The following LIMCH1 variants were observed in gnomAD, a reference collection of about 807,000 sequenced individuals.
LIMCH1 encodes LIM and calponin homology domains 1, also known as LIM and calponin homology domains-containing protein 1.
Under a neutral mutation model 176.5 loss-of-function variants are expected in LIMCH1, and 113 were observed. The ratio of observed to expected loss-of-function variants is 0.64; its 90% CI spans 0.55 to 0.75. The LOEUF is 0.75. Among genes scored for constraint, LIMCH1 ranks in the 30% least tolerant of loss-of-function variants. The pLI, the probability that LIMCH1 is intolerant of heterozygous loss-of-function variation, is 0.00. For synonymous variants in LIMCH1, 619 were observed against 645.9 expected (o/e 0.96, Z 0.63); for missense variants, 1,674 against 1,814.9 (o/e 0.92, Z 1.41).
In LIMCH1 at chr4:41,633,721, C is replaced by G. The variant is rs769570238; in HGVS notation, c.2003C>G (p.Ser668Cys). The change falls in exon 13 of 32, where the codon TCC becomes TGC. Residue 668 changes from serine (S) to cysteine (C), a missense_variant. Transcript: ENST00000503057. ...GGGATGTCCCTTAGACACACTGGAT[C>G]CAACCCAAACCAGTTCCTTCCAGTT... The part of the protein sequence containing the change: ...RTGMSLRHTG[S>C]NPNQFLPVPF... 3 of 1,536,148 alleles carry G rather than the reference C, an allele frequency of 2.0e-6. No homozygotes were observed. Among genetic ancestry groups the G allele is most frequent in the Middle Eastern group, 3.3e-4 (2 of 5,990 alleles).
chr4:41,449,834 T>A (rs1198239164), intron 1 of LIMCH1, among the ~76,000 whole-genome samples: 1 of 152,206 alleles, frequency 6.6e-6, no homozygotes, highest in Non-Finnish European at 1.5e-5. Flanking sequence ...TTCTGGAGGC[T>A]GGAAGTCCAA....
intron 1 of LIMCH1, among the ~76,000 whole-genome samples, chr4:41,404,202 A>G (rs2058738130): frequency 6.6e-6 from 1 of 152,084 alleles, no homozygotes. Context: ...CCTTCACCAT[A>G]TCTCCAACTA....
intron 3 of LIMCH1, among the ~76,000 whole-genome samples, chr4:41,526,184 C>G (rs1375801586): frequency 1.3e-5 from 2 of 150,574 alleles, no homozygotes; most frequent in East Asian, 3.9e-4. Flanking sequence ...TTCTTTCCTT[C>G]TATTTATGTT....
At chr4:41,539,694 C>T (rs1297959939) in intron 1 of LIMCH1, among the ~76,000 whole-genome samples, 1 of 152,164 alleles carries the variant, frequency 6.6e-6, no homozygotes, top group Admixed American at 6.5e-5. Flanking sequence ...CTAGCTGGTT[C>T]TTGCTGGAGT....
intron 7 of LIMCH1, among the ~76,000 whole-genome samples, chr4:41,623,854 C>G (rs2092760113): frequency 6.6e-6 from 1 of 152,174 alleles, no homozygotes; most frequent in Non-Finnish European, 1.5e-5. Flanking sequence ...TCCTGTCAAA[C>G]AATATATTAG....
rs1561447701 is a variant in LIMCH1, at chr4:41,462,382, T to C, written c.97-32154T>C. Among the ~76,000 whole-genome samples, 4 of 152,302 alleles carry C rather than the reference T, an allele frequency of 2.6e-5. No individual in the cohort carries two copies. The East Asian group carries it at 7.7e-4, about 29-fold the overall frequency. ...AGTTTGAGATGAGAGTTTTCATTGG[T>C]AATGTAACTTCTTATGGGTTTGATT... On this transcript the variant is annotated intron_variant, in intron 1 of 26. Coordinates refer to the LIMCH1 transcript ENST00000313860.
chr4:41,497,446 T>G (rs1478919894), intron 2 of LIMCH1, among the ~76,000 whole-genome samples: 1 of 152,140 alleles, frequency 6.6e-6, no homozygotes, highest in East Asian at 1.9e-4. Context: ...TATACCTATT[T>G]TACAGAGAAA....
intron 1 of LIMCH1, among the ~76,000 whole-genome samples, chr4:41,546,748 T>A (rs1412940441): frequency 6.6e-6 from 1 of 152,124 alleles, no homozygotes; most frequent in Admixed American, 6.6e-5. Context: ...CAAAAATTAC[T>A]CTCCTAGGTA....
At chr4:41,510,675 G>C (rs2154183975) in intron 2 of LIMCH1, among the ~76,000 whole-genome samples, 1 of 151,942 alleles carries the variant, frequency 6.6e-6, no homozygotes, top group South Asian at 2.1e-4. Context: ...TGCAACCTCT[G>C]CCTCCCGGGT....
intron 1 of LIMCH1, among the ~76,000 whole-genome samples, chr4:41,566,568 GTATACT>G (rs1272927735): frequency 1.3e-5 from 2 of 152,112 alleles, no homozygotes; most frequent in African/African-American, 4.8e-5. Context: ...TTTCCTGGAA[GTATACT>G]TAGAACCAAT....
intron 5 of LIMCH1, among the ~76,000 whole-genome samples, chr4:41,614,619 G>A (rs1418029948): frequency 6.6e-6 from 1 of 152,102 alleles, no homozygotes; most frequent in Non-Finnish European, 1.5e-5. Context: ...GAAAATACTT[G>A]ACTATTTAAT....
At chr4:41,612,449 G>A in intron 4 of LIMCH1, 1 of 681,684 alleles carries the variant, frequency 1.5e-6, no homozygotes, top group South Asian at 1.6e-5. Context: ...CTCTGCCAGT[G>A]TTATCCACAG....
At chr4:41,479,573 G>T (rs2068260079) in intron 1 of LIMCH1, among the ~76,000 whole-genome samples, 1 of 152,182 alleles carries the variant, frequency 6.6e-6, no homozygotes, top group Admixed American at 6.5e-5. Flanking sequence ...AAGGTGAACA[G>T]TGATGCCCTA....
At chr4:41,477,379 A>C (rs544212843) in intron 1 of LIMCH1, among the ~76,000 whole-genome samples, 1 of 152,188 alleles carries the variant, frequency 6.6e-6, no homozygotes, top group African/African-American at 2.4e-5. Flanking sequence ...GTGGTTTAGC[A>C]AAGAGAGCTC....
At chr4:41,557,209 A>G (rs564719259) in intron 1 of LIMCH1, among the ~76,000 whole-genome samples, 2 of 152,286 alleles carry the variant, frequency 1.3e-5, no homozygotes, top group African/African-American at 4.8e-5. Context: ...TAGCATCAAT[A>G]CCAGGATGGA....
upstream of LIMCH1, among the ~76,000 whole-genome samples, chr4:41,360,239 C>T (rs1229292797): frequency 1.3e-5 from 2 of 152,162 alleles, no homozygotes; most frequent in African/African-American, 4.8e-5. This position sits in a 1 kb window ranked among gnomAD's most constrained non-coding sequence, Gnocchi z 4.5. Flanking sequence ...TACTTCCCGG[C>T]GCCGGGCCAG....
chr4:41,503,853 C>G lies in LIMCH1; in HGVS notation c.167+9247C>G, dbSNP rs577735716. ...GCCCTTGCTCTGAGCTTCCTCCCAG[C>G]CTTTTTACCTCCCTCTCTAGGGGTT... On this transcript the variant is annotated intron_variant, in intron 2 of 26. Transcript: ENST00000313860. Among the ~76,000 whole-genome samples the G allele has an allele frequency of 2.4e-3, 361 of 152,286 alleles. 2 individuals are homozygous for G. The highest frequency in any genetic ancestry group is 8.3e-3 in the African/African-American group (347 of 41,568).
At position 41,685,908 on chromosome 4, in the gene LIMCH1, T is replaced by C. The variant is rs533709608; in HGVS notation, c.4088+78T>C. On this transcript the variant is annotated intron_variant, in intron 28 of 31. Transcript: ENST00000503057. ...AGTTAGAAGGGAGAAGAATGAAAAA[T>C]GTGAGATGGCAAGAGGACAGCAGCA... 7 of 1,478,098 alleles carry C rather than the reference T, an allele frequency of 4.7e-6. No individual in the cohort carries two copies. In the Admixed American group the frequency reaches 1.4e-4, roughly 30 times the overall value. 91.6% of individuals were successfully genotyped at this position (1,478,098 alleles called of 1,614,324 possible). A position where few individuals can be genotyped will look rare whatever the true frequency, so the allele number is the denominator to read the frequency against.
At chr4:41,368,147 CAAT>C (rs1260010538) in intron 1 of LIMCH1, among the ~76,000 whole-genome samples, 2 of 152,082 alleles carry the variant, frequency 1.3e-5, no homozygotes, top group Non-Finnish European at 2.9e-5. Context: ...ATGAAAGCGA[CAAT>C]AAGCTCAGTC....
Sources: allele counts gnomAD v4.1 joint callset (sites outside exome capture counted in the v4.1 genomes callset), GRCh38; gene constraint gnomAD v4.1.1; non-coding constraint Gnocchi (gnomAD v3.1); transcripts MANE v1.5; gene names NCBI Gene and HGNC (gene_info 2026-07-23, HGNC 2026-07-21).